Variants in DGKD observed in about 807,000 individuals in gnomAD.
DGKD encodes the protein DAG kinase delta.
Under a neutral mutation model 154.4 loss-of-function variants are expected in DGKD, and 68 were observed. The ratio of observed to expected loss-of-function variants is 0.44; its 90% CI spans 0.36 to 0.54. The LOEUF is 0.54. DGKD is among the 20% of genes least tolerant of loss of function. The probability of loss-of-function intolerance (pLI) is 0.00; values close to 1 mark genes in which losing one functional copy is unlikely to be tolerated. For synonymous variants in DGKD, 693 were observed against 638.0 expected, an observed-to-expected ratio of 1.09 and a Z score of -1.30; for missense variants, 1,343 against 1,593.6, an observed-to-expected ratio of 0.84 and a Z score of 2.68.
intron 19 of DGKD, among the ~76,000 whole-genome samples, chr2:233,455,754 C>T (rs915063381): frequency 5.3e-5 from 8 of 152,226 alleles, no homozygotes; most frequent in Non-Finnish European, 1.2e-4. Context: ...TGCCACCTTG[C>T]GGGGAGCCAT....
chr2:233,424,223 C>CT lies in DGKD; in HGVS notation c.349-10151dup, dbSNP rs528779630. 6.3e-3 allele frequency among the ~76,000 whole-genome samples: 964 copies of CT among 152,228 alleles called. 15 individuals carry two copies. The highest frequency in any genetic ancestry group is 0.022 in the African/African-American group (922 of 41,514). On this transcript the variant is annotated intron_variant, in intron 3 of 29. Coordinates refer to ENST00000264057, the MANE Select transcript of DGKD (RefSeq NM_152879.3). ...GTGACACAGTTTGCTGGACTTTGAT[C>CT]TTTTTTGTCATTTAAAGTGTCATTT...
intron 12 of DGKD, chr2:233,447,469 G>A: frequency 2.0e-6 from 2 of 985,072 alleles, no homozygotes; most frequent in Non-Finnish European, 2.4e-6. Flanking sequence ...TGGGCCCACG[G>A]CCTTGCAAGC....
At position 233,458,832 on chromosome 2, in the gene DGKD, G is replaced by T. The variant is rs950771507; in HGVS notation, c.2694+435G>T. 6.6e-6 allele frequency among the ~76,000 whole-genome samples: 1 copy of T among 152,122 alleles called. No individual in the cohort carries two copies. Among genetic ancestry groups the T allele is most frequent in the Non-Finnish European group, 1.5e-5 (1 of 68,022 alleles). ...TGGTCTCGAACTCCTGACCTCAAAT[G>T]ATCCACCCACCTTGGCCTCCCAAAG... is the stretch of plus-strand genomic sequence containing the variant. On this transcript the variant is annotated intron_variant, in intron 22 of 29. Coordinates refer to ENST00000264057, the MANE Select transcript of DGKD (RefSeq NM_152879.3). The surrounding 1 kb of genome is among the most constrained non-coding windows in gnomAD (Gnocchi z 6.6).
intron 3 of DGKD, among the ~76,000 whole-genome samples, chr2:233,421,896 G>GAAGA (rs2062128980): frequency 6.6e-6 from 1 of 152,234 alleles, no homozygotes; most frequent in Non-Finnish European, 1.5e-5. Context: ...TATTTCTGAG[G>GAAGA]AAGAAAGAAA....
chr2:233,468,657 C>A, intron 29 of DGKD, 104 bp downstream of exon 29: 1 of 1,540,334 alleles, frequency 6.5e-7, no homozygotes, highest in South Asian at 1.2e-5. Context: ...CATCACGATT[C>A]TTCTCAGGCT....
At chr2:233,362,311 C>T (rs1701822588) in intron 1 of DGKD, among the ~76,000 whole-genome samples, 1 of 152,010 alleles carries the variant, frequency 6.6e-6, no homozygotes, top group Admixed American at 6.6e-5. Context: ...GTTTAATTGT[C>T]ACAAGAGAGG....
intron 1 of DGKD, among the ~76,000 whole-genome samples, chr2:233,387,489 T>A (rs1161108113): frequency 6.6e-6 from 1 of 152,168 alleles, no homozygotes; most frequent in Non-Finnish European, 1.5e-5. Context: ...ACCAAGTAGT[T>A]AGTTACGCAT....
At chr2:233,447,669 C>G (rs2063128774) in intron 12 of DGKD, 11 of 1,024,282 alleles carry the variant, frequency 1.1e-5, no homozygotes, top group Non-Finnish European at 1.2e-5. Context: ...ACAGCCAGAA[C>G]AGATGGTGGG....
chr2:233,462,378 C>T lies in DGKD; in HGVS notation c.3012C>T (p.Asp1004=). Residue 1004 remains aspartate, a synonymous_variant, in exon 25 of 30, where the codon GAC becomes GAT. Coordinates refer to ENST00000264057, the MANE Select transcript of DGKD (RefSeq NM_152879.3). ...GAGAAATAGCTCAGTCTCACCGGGA[C>T]ATGGAGCAGGAACTGGCCCACGCCG... ...SIREIAQSHR[D]MEQELAHAVN... The T allele has an allele frequency of 1.2e-6, 2 of 1,603,526 alleles. No individual in the cohort carries two copies. The highest frequency in any genetic ancestry group is 1.7e-6 in the Non-Finnish European group (2 of 1,171,254).
chr2:233,404,806 G>A lies in DGKD; in HGVS notation c.348+14323G>A, dbSNP rs182904507. The stretch of plus-strand genomic sequence containing the variant: ...ACATGTGAGCAGACATTGGGTGAAC[G>A]TCTGCTGTTCCAGTGGCACATCCTG... On this transcript the variant is annotated intron_variant, in intron 3 of 29. Transcript: ENST00000264057. Among the ~76,000 whole-genome samples the A allele has an allele frequency of 1.2e-4, 19 of 152,296 alleles. No homozygotes were observed. In the South Asian group the frequency reaches 1.4e-3, roughly 12 times the overall value.
Position 233,449,982 on chromosome 2 carries a change from C to A in DGKD, c.1889C>A (p.Ala630Asp). 1 of 1,596,072 alleles carries A rather than the reference C, an allele frequency of 6.3e-7. No homozygotes were observed. The highest frequency in any genetic ancestry group is 1.1e-5 in the South Asian group (1 of 88,534). ...AGCCGCACACACTCTCCTTGCACAGCTGTCGATGAGCAGAATGCCCAGACC... is the reference window on the plus strand; with the variant it reads ...AGCCGCACACACTCTCCTTGCACAGATGTCGATGAGCAGAATGCCCAGACC... ...IRQIIEHTEK[A>D]VDEQNAQTQE... The change falls in exon 16 of 30, where the codon GCT becomes GAT. Residue 630 changes from alanine to aspartate, a missense_variant and splice_region_variant. Ala to Asp is a moderately radical substitution (Grantham distance 126, BLOSUM62 -2). Transcript: ENST00000264057. The surrounding 1 kb of genome is among the most constrained non-coding windows in gnomAD (Gnocchi z 5.3).
At chr2:233,407,985 G>T (rs2061726827) in intron 3 of DGKD, among the ~76,000 whole-genome samples, 1 of 151,350 alleles carries the variant, frequency 6.6e-6, no homozygotes, top group Non-Finnish European at 1.5e-5. Context: ...TTGGATTTCA[G>T]ATATTTTCTG....
At chr2:233,396,956 A>C in intron 3 of DGKD, among the ~76,000 whole-genome samples, 2 of 113,342 alleles carry the variant, frequency 1.8e-5, no homozygotes, top group African/African-American at 7.0e-5. Context: ...AGGACACCAG[A>C]GGGGACCAGG....
intron 1 of DGKD, among the ~76,000 whole-genome samples, chr2:233,357,748 G>C (rs1318231545): frequency 6.6e-6 from 1 of 151,840 alleles, no homozygotes; most frequent in Non-Finnish European, 1.5e-5. Flanking sequence ...TGTTCCCCAG[G>C]CTGGTCTCAA....
intron 24 of DGKD, among the ~76,000 whole-genome samples, chr2:233,461,763 C>A (rs772152715): frequency 6.6e-6 from 1 of 152,222 alleles, no homozygotes; most frequent in Non-Finnish European, 1.5e-5. Context: ...AGGCTGGCCC[C>A]GCTGCCTTTG....
rs554247748 is a variant in DGKD at position 233,368,039 on chromosome 2, A to G, written c.156+13365A>G. On this transcript the variant is annotated intron_variant, in intron 1 of 29. Coordinates refer to ENST00000264057, the MANE Select transcript of DGKD (RefSeq NM_152879.3). ...ATTTCCCCTTTACAGTTAGGAAGTA[A>G]TAGGTGATTCCTGGGCACTGTGCAA... Among the ~76,000 whole-genome samples, 20 of 152,044 alleles carry G rather than the reference A, an allele frequency of 1.3e-4. No homozygotes were observed. The East Asian group carries it at 2.3e-3, about 18-fold the overall frequency.
intron 3 of DGKD, among the ~76,000 whole-genome samples, chr2:233,414,433 G>A (rs1458247678): frequency 6.6e-6 from 1 of 152,204 alleles, no homozygotes; most frequent in African/African-American, 2.4e-5. Context: ...GCAGAGTGCT[G>A]AGTTCATGTG....
At chr2:233,446,921 G>A (rs1238460080) in intron 12 of DGKD, 125 bp downstream of exon 12, 2 of 1,087,610 alleles carry the variant, frequency 1.8e-6, no homozygotes, top group Admixed American at 4.8e-5. Flanking sequence ...TCACAGTCAG[G>A]CCTGCGGAGG....
intron 28 of DGKD, among the ~76,000 whole-genome samples, chr2:233,467,409 G>A (rs944181957): frequency 2.0e-5 from 3 of 152,080 alleles, no homozygotes; most frequent in East Asian, 1.9e-4. Flanking sequence ...TGTCACACCC[G>A]GCCCTGACGT....
Sources: allele counts gnomAD v4.1 joint callset (sites outside exome capture counted in the v4.1 genomes callset), GRCh38; gene constraint gnomAD v4.1.1; non-coding constraint Gnocchi (gnomAD v3.1); transcripts MANE v1.5; gene names NCBI Gene and HGNC (gene_info 2026-07-23, HGNC 2026-07-21).